Variants in TSC22D2 observed in about 807,000 individuals in gnomAD.
TSC22D2 encodes the protein TSC22 domain family member 2.
In TSC22D2, 5 loss-of-function variants were observed where a neutral mutation model predicts 50.1. The observed-to-expected ratio is 0.10, with a 90% CI of 0.05 to 0.21. TSC22D2 has a LOEUF of 0.21. Among genes scored for constraint, TSC22D2 ranks in the 10% least tolerant of loss-of-function variants. The pLI, the probability that TSC22D2 is intolerant of heterozygous loss-of-function variation, is 1.00. For missense variants in TSC22D2, 1,003 were observed against 1,015.5 expected (o/e 0.99, Z 0.17); for synonymous variants, 501 against 450.1 (o/e 1.11, Z -1.43).
At chr3:150,443,603 G>A (rs138309280) in intron 1 of TSC22D2, among the ~76,000 whole-genome samples, 1 of 152,248 alleles carries the variant, frequency 6.6e-6, no homozygotes, top group African/African-American at 2.4e-5. Context: ...TCAGACTCCT[G>A]GATCTAGTTT....
intron 1 of TSC22D2, among the ~76,000 whole-genome samples, chr3:150,431,645 C>T (rs1720384918): frequency 6.6e-6 from 1 of 152,088 alleles, no homozygotes; most frequent in African/African-American, 2.4e-5. Flanking sequence ...ACTTGCTTAG[C>T]TAGTTTGTAC....
Position 150,410,698 on chromosome 3 carries a change from G to T in TSC22D2, c.1348G>T (p.Ala450Ser). 6.4e-7 allele frequency: 1 copy of T among 1,571,422 alleles called. No homozygotes were observed. The highest frequency in any genetic ancestry group is 8.6e-7 in the Non-Finnish European group (1 of 1,160,176). Residue 450 changes from alanine (A) to serine (S), a missense_variant, in exon 1 of 3, where the codon GCG (alanine) becomes TCG (serine). Coordinates refer to ENST00000688009, the MANE Select transcript of TSC22D2 (RefSeq NM_001303264.2). Reference sequence around the variant, plus strand: ...GGGACCAGCGCAAGGCGGGCAGGTCGCGCCTTGTCAGCCGACTGGAGTGCC... The same window carrying T: ...GGGACCAGCGCAAGGCGGGCAGGTCTCGCCTTGTCAGCCGACTGGAGTGCC... ...RTGPAQGGQV[A>S]PCQPTGVPPA...
At position 150,409,745 on chromosome 3, in the gene TSC22D2, G is replaced by A. The variant is rs781616768; in HGVS notation, c.395G>A (p.Gly132Glu). The A allele has an allele frequency of 2.5e-6, 4 of 1,601,562 alleles. No individual in the cohort carries two copies. Among genetic ancestry groups the A allele is most frequent in the African/African-American group, 2.7e-5 (2 of 74,882 alleles). The change falls in exon 1 of 3, where the codon GGA becomes GAA. Residue 132 changes from glycine (G) to glutamate (E), a missense_variant. Physicochemically the swap from Gly to Glu is moderately conservative, Grantham distance 98. Around this residue, in one of 6 missense-constraint regions of TSC22D2, gnomAD observed 200 missense variants for 182.8 expected, o/e 1.09. Coordinates refer to ENST00000688009, the MANE Select transcript of TSC22D2 (RefSeq NM_001303264.2). The surrounding 1 kb of genome is among the most constrained non-coding windows in gnomAD (Gnocchi z 7.4). ...AAAATSAPAP[G>E]APGGPQLAGS... ...GCTGCCACTTCGGCCCCCGCCCCCG[G>A]AGCACCCGGCGGCCCCCAGCTCGCG...
At chr3:150,418,114 A>G (rs984307956) in intron 1 of TSC22D2, among the ~76,000 whole-genome samples, 16 of 152,056 alleles carry the variant, frequency 1.1e-4, no homozygotes, top group Non-Finnish European at 4.4e-5. Context: ...CAATAAATGA[A>G]GTTTGTAAAT....
At chr3:150,435,871 G>A (rs1024278962) in intron 1 of TSC22D2, among the ~76,000 whole-genome samples, 1 of 152,022 alleles carries the variant, frequency 6.6e-6, no homozygotes, top group Non-Finnish European at 1.5e-5. Flanking sequence ...ATTTGGTTTT[G>A]GTAGCAGTCT....
In TSC22D2 at chr3:150,410,280, G is replaced by A. The variant is rs765182913; in HGVS notation, c.930G>A (p.Gln310=). ...TGPQPMMAAA[Q]PSQPQGAGPG... ...CGCAGCCAATGATGGCAGCCGCGCA[G>A]CCCAGCCAGCCCCAGGGAGCGGGGC... Residue 310 remains glutamine (Q), a synonymous_variant, in exon 1 of 3, where the codon CAG becomes CAA. Coordinates refer to ENST00000688009, the MANE Select transcript of TSC22D2 (RefSeq NM_001303264.2). 1.0e-5 allele frequency: 16 copies of A among 1,557,124 alleles called. No individual in the cohort carries two copies. The South Asian group carries it at 1.3e-4, about 13-fold the overall frequency.
chr3:150,434,222 C>T (rs1277908358), intron 1 of TSC22D2, among the ~76,000 whole-genome samples: 2 of 150,280 alleles, frequency 1.3e-5, no homozygotes, highest in Non-Finnish European at 3.0e-5. Context: ...AATGTTGGCT[C>T]ACTGCAACCT....
rs3220532 is a variant in TSC22D2, at chr3:150,466,191, TCACA to T, written c.*7588_*7591del. ...ATGATACTAGTGATGTTAAATCACA[TCACA>T]CACACACACACACACACACACACAC... On this transcript the variant is annotated 3_prime_UTR_variant, in exon 3 of 3. Coordinates refer to ENST00000688009, the MANE Select transcript of TSC22D2 (RefSeq NM_001303264.2). 26,673 of 145,976 alleles carry T rather than the reference TCACA, an allele frequency of 0.18. 2,499 individuals are homozygous for T. Among genetic ancestry groups the T allele is most frequent in the Non-Finnish European group, 0.24 (15,851 of 66,120 alleles). The allele number at this position is 145,976 out of a possible 1,614,324, so 9.0% of individuals were successfully genotyped here.
In TSC22D2 at chr3:150,465,556, C is replaced by T. The variant is rs1396478355; in HGVS notation, c.*6920C>T. ...CCTAACAATTCCAACTTTTAATGTC[C>T]TAAAGAAACATACATGTGTTCACAA... On this transcript the variant is annotated 3_prime_UTR_variant, in exon 3 of 3. Transcript: ENST00000688009. The T allele has an allele frequency of 6.6e-6, 1 of 152,046 alleles. No individual in the cohort carries two copies. The highest frequency in any genetic ancestry group is 6.6e-5 in the Admixed American group (1 of 15,266). The allele number at this position is 152,046 out of a possible 1,614,324, so 9.4% of individuals were successfully genotyped here.
At chr3:150,449,353 A>G (rs1432630847) in intron 1 of TSC22D2, among the ~76,000 whole-genome samples, 1 of 152,164 alleles carries the variant, frequency 6.6e-6, no homozygotes, top group African/African-American at 2.4e-5. Flanking sequence ...TTCAAAATGT[A>G]GTAGAAGTAC....
intron 1 of TSC22D2, among the ~76,000 whole-genome samples, chr3:150,422,167 T>A (rs555544029): frequency 1.3e-5 from 2 of 152,250 alleles, no homozygotes; most frequent in African/African-American, 4.8e-5. Context: ...CAGCATGGGC[T>A]AAGAATTTTA....
chr3:150,453,133 A>G (rs558465316), intron 1 of TSC22D2, among the ~76,000 whole-genome samples: 1 of 152,206 alleles, frequency 6.6e-6, no homozygotes, highest in Non-Finnish European at 1.5e-5. Flanking sequence ...GGTACCGGGT[A>G]TATATACTTT....
In TSC22D2 at chr3:150,410,769, C is replaced by G. The variant is rs754900322; in HGVS notation, c.1419C>G (p.Ala473=). ...GGVVQPCLGP[A]GAGQPQSVPP... is the part of the protein sequence containing the mutation. The stretch of plus-strand genomic sequence containing the variant: ...TGGTGCAGCCGTGCCTCGGTCCTGC[C>G]GGGGCTGGGCAGCCCCAGTCCGTGC... Residue 473 remains alanine, a synonymous_variant, in exon 1 of 3, where the codon GCC becomes GCG. Coordinates refer to ENST00000688009, the MANE Select transcript of TSC22D2 (RefSeq NM_001303264.2). 1.2e-6 allele frequency: 2 copies of G among 1,610,586 alleles called. No homozygotes were observed. The highest frequency in any genetic ancestry group is 1.7e-6 in the Non-Finnish European group (2 of 1,178,884).
intron 1 of TSC22D2, among the ~76,000 whole-genome samples, chr3:150,452,360 G>A (rs529136847): frequency 1.1e-4 from 17 of 152,048 alleles, no homozygotes; most frequent in South Asian, 2.1e-4. Flanking sequence ...CAGGAGACTC[G>A]CTTGAACCCG....
intron 1 of TSC22D2, among the ~76,000 whole-genome samples, chr3:150,453,578 G>T (rs1374389066): frequency 6.6e-6 from 1 of 152,114 alleles, no homozygotes; most frequent in East Asian, 1.9e-4. Context: ...TAAATCTGGG[G>T]TGGGTCCAAA....
At chr3:150,424,622 C>CT (rs1391145143) in intron 1 of TSC22D2, among the ~76,000 whole-genome samples, 2 of 151,978 alleles carry the variant, frequency 1.3e-5, no homozygotes, top group African/African-American at 4.8e-5. Flanking sequence ...TATATGTTTT[C>CT]TTTTTTTAGA....
intron 1 of TSC22D2, among the ~76,000 whole-genome samples, chr3:150,453,108 C>T (rs1721088968): frequency 6.6e-6 from 1 of 152,110 alleles, no homozygotes; most frequent in African/African-American, 2.4e-5. Context: ...AATATTTATA[C>T]TACCACCATT....
intron 1 of TSC22D2, among the ~76,000 whole-genome samples, chr3:150,419,003 T>C (rs1469386217): frequency 6.6e-6 from 1 of 152,058 alleles, no homozygotes; most frequent in East Asian, 1.9e-4. Flanking sequence ...CAATATTACC[T>C]TGATAATGTC....
At chr3:150,423,165 C>G in intron 1 of TSC22D2, 4 of 1,428,260 alleles carry the variant, frequency 2.8e-6, no homozygotes, top group Non-Finnish European at 3.9e-6. Flanking sequence ...AAACTGTATG[C>G]ATGAATTGCT....
Sources: allele counts gnomAD v4.1 joint callset (sites outside exome capture counted in the v4.1 genomes callset), GRCh38; gene constraint gnomAD v4.1.1; regional missense constraint gnomAD v4.1.1; non-coding constraint Gnocchi (gnomAD v3.1); transcripts MANE v1.5; gene names NCBI Gene and HGNC (gene_info 2026-07-23, HGNC 2026-07-21).